Variants in BTRC observed in about 807,000 individuals in gnomAD.
The protein encoded by BTRC is F-box/WD repeat-containing protein 1A.
In BTRC, 42 loss-of-function variants were observed where a neutral mutation model predicts 85.5. The ratio of observed to expected loss-of-function variants is 0.49; its 90% CI spans 0.38 to 0.64. The LOEUF (loss-of-function observed/expected upper bound fraction) is 0.64. Ranked by LOEUF, BTRC falls within the 30% of genes least tolerant of loss-of-function variation. The probability of loss-of-function intolerance (pLI) is 0.00; values close to 1 mark genes in which losing one functional copy is unlikely to be tolerated. For missense variants in BTRC, 594 were observed against 743.5 expected (o/e 0.80, Z 2.34); for synonymous variants, 255 against 263.3 (o/e 0.97, Z 0.30).
In BTRC at chr10:101,554,551, AAG is replaced by A. The variant is rs916842605; in HGVS notation, c.*1435_*1436del. On this transcript the variant is annotated 3_prime_UTR_variant, in exon 15 of 15. Transcript: ENST00000370187. ...TATTTGCAGAAGGGCAAAGCTGCTT[AAG>A]AGAGAGGATCAGGGTGAAGTTTGGC... 1 of 152,630 alleles carries A rather than the reference AAG, an allele frequency of 6.6e-6. No homozygotes were observed. The highest frequency in any genetic ancestry group is 1.5e-5 in the Non-Finnish European group (1 of 68,042). The allele number at this position is 152,630 out of a possible 1,614,324, so 9.5% of individuals were successfully genotyped here. A position where few individuals can be genotyped will look rare whatever the true frequency, so the allele number is the denominator to read the frequency against.
rs556617897 is a variant in BTRC at position 101,556,525 on chromosome 10, T to G, written c.*3402T>G. Reference sequence around the variant, plus strand: ...CCCAGATTAGTGCAGCCCGGAGGCTTAGGGTGCAGCCTCCCTGGTCTTCCT... The same window carrying G: ...CCCAGATTAGTGCAGCCCGGAGGCTGAGGGTGCAGCCTCCCTGGTCTTCCT... On this transcript the variant is annotated 3_prime_UTR_variant, in exon 15 of 15. Transcript: ENST00000370187. The G allele has an allele frequency of 6.6e-6, 1 of 152,208 alleles. No homozygotes were observed. The highest frequency in any genetic ancestry group is 2.1e-4 in the South Asian group (1 of 4,822). The allele number at this position is 152,208 out of a possible 1,614,324, so 9.4% of individuals were successfully genotyped here. A position where few individuals can be genotyped will look rare whatever the true frequency, so the allele number is the denominator to read the frequency against.
chr10:101,374,538 A>T (rs1942734607), intron 1 of BTRC, among the ~76,000 whole-genome samples: 1 of 146,998 alleles, frequency 6.8e-6, no homozygotes. Flanking sequence ...AAGAACAAAA[A>T]ACCAAACACC....
chr10:101,518,090 T>G (rs11191035), intron 4 of BTRC, among the ~76,000 whole-genome samples: 1,701 of 151,698 alleles, frequency 0.011, 16 homozygotes, highest in Middle Eastern at 0.027. Context: ...TTTTTTGTAT[T>G]TTTAGTAGAG....
chr10:101,368,560 C>T (rs940127533), intron 1 of BTRC, among the ~76,000 whole-genome samples: 5 of 139,574 alleles, frequency 3.6e-5, no homozygotes, highest in African/African-American at 1.4e-4. Context: ...GGTCACTGCA[C>T]CCTTGAACTC....
chr10:101,455,809 A>G (rs1447197211), intron 2 of BTRC, among the ~76,000 whole-genome samples: 1 of 152,206 alleles, frequency 6.6e-6, no homozygotes, highest in Non-Finnish European at 1.5e-5. Context: ...CCAAAAAGCT[A>G]TAAAAGGCTT....
At chr10:101,430,741 C>G (rs1370836418) in intron 2 of BTRC, among the ~76,000 whole-genome samples, 2 of 152,134 alleles carry the variant, frequency 1.3e-5, no homozygotes, top group Middle Eastern at 3.2e-3. Flanking sequence ...TTAAAGTAAT[C>G]TCAATAAATA....
intron 1 of BTRC, among the ~76,000 whole-genome samples, chr10:101,410,787 T>A (rs1372827210): frequency 6.6e-6 from 1 of 152,162 alleles, no homozygotes; most frequent in Non-Finnish European, 1.5e-5. Flanking sequence ...TATGCATCTT[T>A]AACTTAACAC....
intron 1 of BTRC, among the ~76,000 whole-genome samples, chr10:101,415,063 A>G (rs1018433711): frequency 1.3e-5 from 2 of 152,192 alleles, no homozygotes; most frequent in African/African-American, 4.8e-5. Context: ...GTGTACAATA[A>G]TGTCCTAGAC....
At position 101,366,995 on chromosome 10, in the gene BTRC, A is replaced by AAT. The variant is rs1491451101; in HGVS notation, c.48+12776_48+12777dup. Among the ~76,000 whole-genome samples the AAT allele has an allele frequency of 2.6e-3, 86 of 32,634 alleles. 6 individuals are homozygous for AAT. In the Admixed American group the frequency reaches 0.035, roughly 13 times the overall value. 21.4% of individuals were successfully genotyped at this position (32,634 alleles called of 152,430 possible). On this transcript the variant is annotated intron_variant, in intron 1 of 14. Transcript: ENST00000370187. ...ATATATTTATATATTTATATATATT[A>AAT]ATATATATATTTATATATATATTTA... is the stretch of plus-strand genomic sequence containing the variant.
intron 2 of BTRC, among the ~76,000 whole-genome samples, chr10:101,456,968 G>A (rs945145139): frequency 6.6e-6 from 1 of 151,966 alleles, no homozygotes; most frequent in Non-Finnish European, 1.5e-5. Flanking sequence ...ATTCATAGGG[G>A]GTATGTTCCC....
intron 4 of BTRC, among the ~76,000 whole-genome samples, chr10:101,501,183 G>A (rs1458087571): frequency 7.7e-6 from 1 of 130,122 alleles, no homozygotes; most frequent in South Asian, 2.3e-4. Flanking sequence ...GTGAGACTGC[G>A]TCTCAAAAAA....
At chr10:101,363,182 T>A (rs1266312453) in intron 1 of BTRC, among the ~76,000 whole-genome samples, 1 of 152,220 alleles carries the variant, frequency 6.6e-6, no homozygotes, top group Non-Finnish European at 1.5e-5. Context: ...TCAGTATTAT[T>A]ATTATCCCCA....
chr10:101,444,397 G>A (rs1409202838), intron 2 of BTRC, among the ~76,000 whole-genome samples: 1 of 152,154 alleles, frequency 6.6e-6, no homozygotes, highest in Admixed American at 6.5e-5. Flanking sequence ...TTGCATACAA[G>A]GTATAAAGTG....
chr10:101,374,363 CAA>C (rs1296898903), intron 1 of BTRC, among the ~76,000 whole-genome samples: 1 of 151,722 alleles, frequency 6.6e-6, no homozygotes, highest in East Asian at 1.9e-4. Flanking sequence ...TTCACAATAG[CAA>C]AGACTTGGAA....
intron 13 of BTRC, among the ~76,000 whole-genome samples, chr10:101,543,146 G>A (rs1048302729): frequency 6.6e-6 from 1 of 152,304 alleles, no homozygotes; most frequent in African/African-American, 2.4e-5. Context: ...CCAAAGTGTT[G>A]GGATTACAGG....
intron 2 of BTRC, among the ~76,000 whole-genome samples, chr10:101,457,243 A>G (rs774019927): frequency 1.3e-5 from 2 of 152,236 alleles, no homozygotes; most frequent in South Asian, 2.1e-4. Flanking sequence ...GAAGTGAGGT[A>G]AATGACCTAG....
chr10:101,498,863 C>T (rs1376777267), intron 4 of BTRC, among the ~76,000 whole-genome samples: 2 of 151,852 alleles, frequency 1.3e-5, no homozygotes, highest in East Asian at 1.9e-4. Context: ...TGTAGTGGTG[C>T]GCGCCTGTAA....
chr10:101,515,585 C>G (rs1382053047), intron 4 of BTRC, among the ~76,000 whole-genome samples: 1 of 151,228 alleles, frequency 6.6e-6, no homozygotes, highest in Non-Finnish European at 1.5e-5. Context: ...GATCTCAGCT[C>G]ACTGCAATCT....
intron 1 of BTRC, among the ~76,000 whole-genome samples, chr10:101,371,260 C>T (rs551930888): frequency 4.6e-5 from 7 of 152,100 alleles, no homozygotes; most frequent in African/African-American, 1.7e-4. Flanking sequence ...ACCATCTTGG[C>T]TCACTGCAGA....
Sources: gnomAD v4.1 joint callset for allele counts (sites outside exome capture counted in the v4.1 genomes callset) on GRCh38, gnomAD v4.1.1 for gene constraint, MANE v1.5 for transcripts, NCBI Gene and HGNC (gene_info 2026-07-23, HGNC 2026-07-21) for gene names.